PKNOX1: variants seen among roughly 807,000 people sequenced by gnomAD.
PKNOX1 encodes the protein PBX/knotted 1 homeobox 1.
A neutral mutation model predicts 51.9 loss-of-function variants in PKNOX1; 15 were observed. The ratio of observed to expected loss-of-function variants is 0.29; its 90% CI spans 0.19 to 0.45. PKNOX1 has a LOEUF of 0.45. PKNOX1 is among the 20% of genes least tolerant of loss of function. PKNOX1 has a pLI of 1.00. For missense variants in PKNOX1, 462 were observed against 547.5 expected, an observed-to-expected ratio of 0.84 and a Z score of 1.56; for synonymous variants, 219 against 211.1, an observed-to-expected ratio of 1.04 and a Z score of -0.32.
rs770173855 is a variant in PKNOX1, at chr21:43,018,141, G to A, written c.631G>A (p.Val211Met). 28 of 1,603,910 alleles carry A rather than the reference G, an allele frequency of 1.7e-5. No homozygotes were observed. The highest frequency in any genetic ancestry group is 2.3e-5 in the Non-Finnish European group (27 of 1,171,626). Residue 211 changes from valine to methionine, a missense_variant, in exon 7 of 11, where the codon GTG becomes ATG. Transcript: ENST00000291547. ...TTATTCTCCCTTTCGAGGTGGCACA[G>A]TGTATCAGCCTGTCACGGTCGTCAC... ...VAMATVAGGTVYQPVTVVTPQ... is the reference protein window; with the variant it reads ...VAMATVAGGTMYQPVTVVTPQ...
intron 1 of PKNOX1, among the ~76,000 whole-genome samples, chr21:42,993,754 A>T (rs1226883165): frequency 1.4e-4 from 18 of 127,148 alleles, no homozygotes; most frequent in African/African-American, 4.8e-4. Context: ...TTTTTTTGAA[A>T]CAGAGTCTCG....
At chr21:43,015,030 T>C (rs1979430299) in intron 5 of PKNOX1, among the ~76,000 whole-genome samples, 1 of 152,218 alleles carries the variant, frequency 6.6e-6, no homozygotes, top group Non-Finnish European at 1.5e-5. Flanking sequence ...TTGACAACTC[T>C]GATTTCATTC....
rs763373091 is a variant in PKNOX1, at chr21:43,007,539, G to A, written c.100G>A (p.Glu34Lys). Reference protein sequence around the residue: ...LKTEQDPNCSEPDAEGVSPPP... With the variant: ...LKTEQDPNCSKPDAEGVSPPP... The stretch of plus-strand genomic sequence containing the variant: ...GACAGAACAAGATCCAAACTGCTCT[G>A]AACCCGATGCAGAAGGAGTGAGCCC... Residue 34 changes from glutamate (E) to lysine (K), a missense_variant, in exon 3 of 11, where the codon GAA (glutamate) becomes AAA (lysine). Around this residue, in one of 5 missense-constraint regions of PKNOX1, gnomAD observed 129 missense variants for 133.4 expected, o/e 0.97. Coordinates refer to ENST00000291547, the MANE Select transcript of PKNOX1 (RefSeq NM_004571.5). 4.3e-6 allele frequency: 7 copies of A among 1,614,030 alleles called. No homozygotes were observed. In the East Asian group the frequency reaches 1.1e-4, roughly 26 times the overall value.
rs1341926735 is a variant in PKNOX1, at chr21:43,031,390, T to C, written c.*1289T>C. On this transcript the variant is annotated 3_prime_UTR_variant, in exon 11 of 11. Transcript: ENST00000291547. Reference sequence around the variant, plus strand: ...GTCTCCTGGTGTCAGTGTTCTCTTGTACGTTGTTGCTTTCGACTTTTCAGA... The same window carrying C: ...GTCTCCTGGTGTCAGTGTTCTCTTGCACGTTGTTGCTTTCGACTTTTCAGA... 1 of 152,354 alleles carries C rather than the reference T, an allele frequency of 6.6e-6. No individual in the cohort carries two copies. Among genetic ancestry groups the C allele is most frequent in the East Asian group, 1.9e-4 (1 of 5,200 alleles). 9.4% of individuals were successfully genotyped at this position (152,354 alleles called of 1,614,324 possible). A position where few individuals can be genotyped will look rare whatever the true frequency, so the allele number is the denominator to read the frequency against.
At chr21:43,018,058 A>AAAAT in intron 6 of PKNOX1, 75 bp from the exon 7 acceptor site, 1 of 713,406 alleles carries the variant, frequency 1.4e-6, no homozygotes, top group Non-Finnish European at 2.2e-6. Context: ...AAAAAAAAAA[A>AAAAT]AAAAAAAAAA....
At chr21:43,023,979 C>T (rs1050988435) in intron 8 of PKNOX1, among the ~76,000 whole-genome samples, 1 of 151,876 alleles carries the variant, frequency 6.6e-6, no homozygotes, top group African/African-American at 2.4e-5. Context: ...AGTTATCCAC[C>T]TGCCTCAGCC....
chr21:43,009,027 A>G (rs1979123647), intron 3 of PKNOX1, among the ~76,000 whole-genome samples: 1 of 152,180 alleles, frequency 6.6e-6, no homozygotes, highest in Non-Finnish European at 1.5e-5. Flanking sequence ...AGTAAAAGGA[A>G]TGAAGTGGCG....
At chr21:42,993,276 C>A (rs1216576114) in intron 1 of PKNOX1, among the ~76,000 whole-genome samples, 8 of 152,206 alleles carry the variant, frequency 5.3e-5, no homozygotes. Flanking sequence ...CCATTCTTCT[C>A]CTGACACTCA....
intron 1 of PKNOX1, among the ~76,000 whole-genome samples, chr21:42,993,362 G>A (rs1227504939): frequency 6.6e-6 from 1 of 152,148 alleles, no homozygotes; most frequent in Non-Finnish European, 1.5e-5. Flanking sequence ...GAGCTTCCAG[G>A]CGCCTTGAGT....
rs763495037 is a variant in PKNOX1, at chr21:43,010,152, C to A, written c.279C>A (p.Ile93=). 2.1e-5 allele frequency: 34 copies of A among 1,604,430 alleles called. No individual in the cohort carries two copies. Among genetic ancestry groups the A allele is most frequent in the Non-Finnish European group, 2.8e-5 (33 of 1,174,454 alleles). Residue 93 remains isoleucine, a synonymous_variant, in exon 4 of 11, where the codon ATC becomes ATA. Transcript: ENST00000291547. ...CTTCTGCCAGTTTTGATGTAGACATCGAAAATTTTGTAAGAAAGCAAGAGA... is the reference window on the plus strand; with the variant it reads ...CTTCTGCCAGTTTTGATGTAGACATAGAAAATTTTGTAAGAAAGCAAGAGA... The part of the protein sequence containing the change: ...GTTSASFDVD[I]ENFVRKQEKE...
chr21:42,974,823 C>T lies in PKNOX1; in HGVS notation c.-57+159C>T, dbSNP rs866308989. On this transcript the variant is annotated intron_variant, in intron 1 of 10. Coordinates refer to ENST00000291547, the MANE Select transcript of PKNOX1 (RefSeq NM_004571.5). ...CGAGGGCCCGCATTTGACCCGCCGC[C>T]CGGGGCAGGGGGCGGGGAGGGGGCG... Among the ~76,000 whole-genome samples the T allele has an allele frequency of 4.0e-4, 60 of 149,056 alleles. 2 individuals carry two copies. The highest frequency in any genetic ancestry group is 1.4e-3 in the African/African-American group (59 of 41,140).
chr21:43,000,034 G>T (rs1319142826), intron 1 of PKNOX1, among the ~76,000 whole-genome samples: 1 of 151,752 alleles, frequency 6.6e-6, no homozygotes. Context: ...TTCCCAACAA[G>T]TTCCCCACCT....
chr21:43,010,169 A>T lies in PKNOX1; in HGVS notation c.296A>T (p.Lys99Met). Residue 99 changes from lysine (K) to methionine (M), a missense_variant, in exon 4 of 11, where the codon AAG (lysine) becomes ATG (methionine). This residue lies in a region of PKNOX1 where 129 missense variants were observed against 133.4 expected (regional missense o/e 0.97). Transcript: ENST00000291547. The part of the protein sequence containing the change: ...FDVDIENFVR[K>M]QEKEGKPFFC... ...GTAGACATCGAAAATTTTGTAAGAA[A>T]GCAAGAGAAGGAAGGGAAACCTTTC... The T allele has an allele frequency of 6.2e-7, 1 of 1,605,546 alleles. No homozygotes were observed. Among genetic ancestry groups the T allele is most frequent in the Non-Finnish European group, 8.5e-7 (1 of 1,174,024 alleles).
chr21:42,999,919 A>G (rs1008638437), intron 1 of PKNOX1, among the ~76,000 whole-genome samples: 7 of 152,146 alleles, frequency 4.6e-5, no homozygotes, highest in African/African-American at 1.7e-4. Context: ...CTTCCACCAG[A>G]TACCCTAAAT....
intron 9 of PKNOX1, among the ~76,000 whole-genome samples, chr21:43,026,199 G>A (rs2146294472): frequency 6.6e-6 from 1 of 152,188 alleles, no homozygotes; most frequent in African/African-American, 2.4e-5. Flanking sequence ...TGATTTCCTG[G>A]TGTTCCCTGA....
chr21:43,028,275 G>T (rs867499342), intron 9 of PKNOX1, among the ~76,000 whole-genome samples: 21 of 152,206 alleles, frequency 1.4e-4, no homozygotes, highest in Admixed American at 1.3e-4. Context: ...ATCTGGTGAC[G>T]TCCAGACGAG....
chr21:43,020,430 G>A (rs973764826), intron 7 of PKNOX1: 9 of 152,368 alleles, frequency 5.9e-5, no homozygotes, highest in Admixed American at 3.9e-4. Flanking sequence ...CTTGTAACGA[G>A]CAGATCTTCT....
intron 1 of PKNOX1, among the ~76,000 whole-genome samples, chr21:42,989,130 G>C (rs146409068): frequency 6.6e-6 from 1 of 151,690 alleles, no homozygotes; most frequent in East Asian, 1.9e-4. Context: ...TAAAATAAAC[G>C]TAAAAAGGGA....
chr21:43,014,310 C>T (rs1469323117), intron 5 of PKNOX1, among the ~76,000 whole-genome samples: 1 of 152,032 alleles, frequency 6.6e-6, no homozygotes, highest in Admixed American at 6.6e-5. Context: ...CATGAGCTAC[C>T]ACGCCTGGCC....
Sources: gnomAD v4.1 joint callset for allele counts (sites outside exome capture counted in the v4.1 genomes callset) on GRCh38, gnomAD v4.1.1 for gene constraint, gnomAD v4.1.1 regional missense constraint, MANE v1.5 for transcripts, NCBI Gene and HGNC (gene_info 2026-07-23, HGNC 2026-07-21) for gene names.